Variants in C4BPB observed in about 807,000 individuals in gnomAD.
C4BPB encodes the protein complement component 4 binding protein beta, also known as C4b-binding protein beta chain.
In C4BPB, 19 loss-of-function variants were observed where a neutral mutation model predicts 26.6. The observed-to-expected ratio is 0.71, with a 90% CI of 0.50 to 1.05. C4BPB has a LOEUF of 1.05. Ranked by LOEUF, C4BPB falls within the 50% of genes least tolerant of loss-of-function variation. The probability of loss-of-function intolerance (pLI) is 0.00; values close to 1 mark genes in which losing one functional copy is unlikely to be tolerated. For synonymous variants in C4BPB, 118 were observed against 103.5 expected (o/e 1.14, Z -0.85); for missense variants, 282 against 302.9 (o/e 0.93, Z 0.51).
Position 207,098,281 on chromosome 1 carries a change from T to G in C4BPB, c.618+17T>G. On this transcript the variant is annotated intron_variant, in intron 6 of 6. Transcript: ENST00000367078. ...AAGGCACTTGTAAGTAGGAGGCTCA[T>G]ATCTGTCTTGTTCACAGCTGGATCT... The G allele has an allele frequency of 6.9e-7, 1 of 1,451,912 alleles. No homozygotes were observed. Among genetic ancestry groups the G allele is most frequent in the Non-Finnish European group, 9.7e-7 (1 of 1,032,172 alleles). The allele number at this position is 1,451,912 out of a possible 1,614,324, so 89.9% of individuals were successfully genotyped here. A position where few individuals can be genotyped will look rare whatever the true frequency, so the allele number is the denominator to read the frequency against.
intron 2 of C4BPB, 117 bp downstream of exon 2, chr1:207,089,706 A>G (rs1683948313): frequency 2.3e-6 from 2 of 854,376 alleles, no homozygotes; most frequent in Non-Finnish European, 3.8e-6. Flanking sequence ...TTATTCTTCT[A>G]TTGAAAAATC....
chr1:207,098,484 CAT>C (rs1252606742), intron 6 of C4BPB, among the ~76,000 whole-genome samples: 1 of 152,184 alleles, frequency 6.6e-6, no homozygotes, highest in Admixed American at 6.5e-5. Flanking sequence ...ACAAATACCT[CAT>C]GAGACCCTGT....
At chr1:207,092,610 C>T (rs1335570676) in intron 4 of C4BPB, among the ~76,000 whole-genome samples, 4 of 149,478 alleles carry the variant, frequency 2.7e-5, no homozygotes, top group Non-Finnish European at 5.9e-5. Flanking sequence ...CTTATGTCTA[C>T]GTTGTTATTT....
At chr1:207,089,185 T>G in intron 1 of C4BPB, 1 of 255,426 alleles carries the variant, frequency 3.9e-6, no homozygotes, top group Non-Finnish European at 7.5e-6. Context: ...TTGGCCCATG[T>G]TTGTTGGGGA....
intron 4 of C4BPB, among the ~76,000 whole-genome samples, chr1:207,094,001 C>T (rs1273896949): frequency 6.6e-6 from 1 of 152,146 alleles, no homozygotes; most frequent in South Asian, 2.1e-4. Flanking sequence ...GGATATTGAA[C>T]ATTACAAATG....
intron 1 of C4BPB, 123 bp downstream of exon 1, chr1:207,089,069 A>G (rs1683918785): frequency 1.2e-5 from 2 of 160,926 alleles, no homozygotes; most frequent in Non-Finnish European, 2.7e-5. Flanking sequence ...GGCAAGAACC[A>G]GGGATTGACA....
intron 4 of C4BPB, among the ~76,000 whole-genome samples, chr1:207,092,596 T>C (rs1684073167): frequency 6.6e-6 from 1 of 151,860 alleles, no homozygotes; most frequent in East Asian, 1.9e-4. Flanking sequence ...TACACACACA[T>C]ATTCTTATGT....
Position 207,091,662 on chromosome 1 carries a change from C to T in C4BPB, c.251C>T (p.Pro84Leu), listed in dbSNP as rs1249103470. The change falls in exon 4 of 7, where the codon CCT (proline) becomes CTT (leucine). Residue 84 changes from proline (P) to leucine (L), a missense_variant. By Grantham distance (98) the Pro-to-Leu change is moderately conservative. Coordinates refer to ENST00000367078, the MANE Select transcript of C4BPB (RefSeq NM_001017365.3). ...TCTTCAGTGGGCCACTGTCCTGATC[C>T]TGTGCTGGTGAATGGAGAGTTCAGT... ...TECRLGHCPD[P>L]VLVNGEFSSS... The T allele has an allele frequency of 1.9e-6, 3 of 1,613,746 alleles. No individual in the cohort carries two copies. The highest frequency in any genetic ancestry group is 2.5e-6 in the Non-Finnish European group (3 of 1,179,852).
chr1:207,098,420 T>C (rs959956784), intron 6 of C4BPB, among the ~76,000 whole-genome samples, 156 bp downstream of exon 6: 5 of 152,240 alleles, frequency 3.3e-5, no homozygotes, highest in Non-Finnish European at 7.3e-5. Context: ...TCATAAACTA[T>C]TAACTCACAT....
In C4BPB at chr1:207,096,446, C is replaced by A. The variant is rs1225465580; in HGVS notation, c.410-76C>A. The stretch of plus-strand genomic sequence containing the variant: ...TGAGGCTGTCAGGTGCTGGCATAAA[C>A]AGCTGCAATTAGGGGTGCTGTTCAT... On this transcript the variant is annotated intron_variant, in intron 4 of 6. Coordinates refer to ENST00000367078, the MANE Select transcript of C4BPB (RefSeq NM_001017365.3). 4 of 868,906 alleles carry A rather than the reference C, an allele frequency of 4.6e-6. No homozygotes were observed. The African/African-American group carries it at 5.0e-5, about 11-fold the overall frequency. 53.8% of individuals were successfully genotyped at this position (868,906 alleles called of 1,614,324 possible).
chr1:207,095,291 T>TTCC (rs1277677850), intron 4 of C4BPB: 4 of 456,568 alleles, frequency 8.8e-6, no homozygotes, highest in Non-Finnish European at 1.8e-5. Flanking sequence ...CTTTCCACAG[T>TTCC]TCCACAGACT....
At chr1:207,099,664 C>G in intron 6 of C4BPB, 125 bp from the exon 7 acceptor site, 1 of 672,922 alleles carries the variant, frequency 1.5e-6, no homozygotes, top group Non-Finnish European at 2.4e-6. Context: ...AAACCCAAAT[C>G]TTTACTTAAG....
At chr1:207,090,537 A>C in intron 3 of C4BPB, 56 bp downstream of exon 3, 1 of 1,452,848 alleles carries the variant, frequency 6.9e-7, no homozygotes, top group South Asian at 1.3e-5. Flanking sequence ...TTACTCCTTC[A>C]CATCCTACTT....
intron 4 of C4BPB, among the ~76,000 whole-genome samples, chr1:207,092,629 C>CT (rs755904248): frequency 0.013 from 1,752 of 134,546 alleles, 27 homozygotes; most frequent in South Asian, 0.038. Flanking sequence ...TTCTTTCTTT[C>CT]TTTTTTTTTT....
intron 4 of C4BPB, chr1:207,095,076 A>C (rs1684187421): frequency 3.2e-6 from 1 of 312,402 alleles, no homozygotes; most frequent in Non-Finnish European, 6.2e-6. Context: ...CACCCACATA[A>C]TCATTGTTAG....
At chr1:207,097,921 A>C (rs894401180) in intron 5 of C4BPB, 3 of 412,374 alleles carry the variant, frequency 7.3e-6, no homozygotes, top group Non-Finnish European at 1.3e-5. Context: ...TCACTTCTCT[A>C]TGTTTTATGG....
chr1:207,092,485 C>A (rs1684069055), intron 4 of C4BPB, among the ~76,000 whole-genome samples: 1 of 151,918 alleles, frequency 6.6e-6, no homozygotes, highest in African/African-American at 2.4e-5. Flanking sequence ...CTATTGCCCG[C>A]TATTTAATAA....
chr1:207,092,854 T>C (rs1187981250), intron 4 of C4BPB, among the ~76,000 whole-genome samples: 1 of 152,100 alleles, frequency 6.6e-6, no homozygotes, highest in Non-Finnish European at 1.5e-5. Flanking sequence ...CTTGAACTCC[T>C]GATCTCGTGA....
intron 4 of C4BPB, among the ~76,000 whole-genome samples, chr1:207,092,617 A>ATTTC (rs943739356): frequency 2.8e-5 from 4 of 144,906 alleles, no homozygotes; most frequent in South Asian, 2.2e-4. Flanking sequence ...CTACGTTGTT[A>ATTTC]TTTCTTTCTT....
Sources: allele counts gnomAD v4.1 joint callset (sites outside exome capture counted in the v4.1 genomes callset), GRCh38; gene constraint gnomAD v4.1.1; transcripts MANE v1.5; gene names NCBI Gene and HGNC (gene_info 2026-07-23, HGNC 2026-07-21).